RIN2: variants seen among roughly 807,000 people sequenced by gnomAD.
The protein encoded by RIN2 is RAB5 interacting protein 2.
A neutral mutation model predicts 78.0 loss-of-function variants in RIN2; 36 were observed. The ratio of observed to expected loss-of-function variants is 0.46; its 90% CI spans 0.35 to 0.61. The LOEUF (loss-of-function observed/expected upper bound fraction) is 0.61. Ranked by LOEUF, RIN2 falls within the 20% of genes least tolerant of loss-of-function variation. RIN2 has a pLI of 0.00. For missense variants in RIN2, 1,087 were observed against 1,159.7 expected (o/e 0.94, Z 0.91); for synonymous variants, 466 against 466.8 (o/e 1.00, Z 0.02).
chr20:19,827,654 A>G (rs965435969), intron 2 of RIN2, among the ~76,000 whole-genome samples: 7 of 152,162 alleles, frequency 4.6e-5, no homozygotes, highest in African/African-American at 1.7e-4. Context: ...TAGAAGATCC[A>G]GGTACGCCCT....
intron 1 of RIN2, among the ~76,000 whole-genome samples, chr20:19,786,652 A>G (rs998476353): frequency 1.3e-5 from 2 of 152,018 alleles, no homozygotes; most frequent in Admixed American, 6.5e-5. Context: ...TGCGGTGACT[A>G]GTTATATAGC....
intron 2 of RIN2, among the ~76,000 whole-genome samples, chr20:19,831,804 A>G (rs1034108831): frequency 9.2e-5 from 14 of 152,340 alleles, no homozygotes; most frequent in Non-Finnish European, 1.8e-4. Flanking sequence ...CAATAAATAC[A>G]TATGGAAAGT....
chr20:19,881,192 C>G (rs894614918), intron 2 of RIN2, among the ~76,000 whole-genome samples: 1 of 152,180 alleles, frequency 6.6e-6, no homozygotes, highest in Non-Finnish European at 1.5e-5. Context: ...CTCACTAGAG[C>G]TGATTGTTAA....
rs759837143 is a variant in RIN2, at chr20:19,956,739, C to T, written c.283C>T (p.Pro95Ser). ...SILDRLLHTH[P>S]IWLQLSLSEE... Reference sequence around the variant, plus strand: ...CTTGGACCGGCTCCTCCACACCCACCCCATATGGCTGCAGCTGAGTCTGAG... The same window carrying T: ...CTTGGACCGGCTCCTCCACACCCACTCCATATGGCTGCAGCTGAGTCTGAG... Residue 95 changes from proline (P) to serine (S), a missense_variant, in exon 5 of 13, where the codon CCC becomes TCC. Coordinates refer to ENST00000255006, the MANE Select transcript of RIN2 (RefSeq NM_018993.4). 6.2e-7 allele frequency: 1 copy of T among 1,609,656 alleles called. No individual in the cohort carries two copies. The highest frequency in any genetic ancestry group is 1.1e-5 in the South Asian group (1 of 90,010).
chr20:19,997,019 A>G (rs2042990746), intron 12 of RIN2, among the ~76,000 whole-genome samples, 177 bp downstream of exon 12: 1 of 152,092 alleles, frequency 6.6e-6, no homozygotes, highest in Admixed American at 6.6e-5. Flanking sequence ...TTATATACGC[A>G]TGGGATACTT....
intron 2 of RIN2, among the ~76,000 whole-genome samples, chr20:19,822,662 A>C (rs1328102045): frequency 6.6e-6 from 1 of 150,572 alleles, no homozygotes; most frequent in Non-Finnish European, 1.5e-5. Context: ...ACACACACAC[A>C]CACACCCACA....
intron 2 of RIN2, among the ~76,000 whole-genome samples, chr20:19,853,827 G>T (rs1294760933): frequency 6.6e-6 from 1 of 152,136 alleles, no homozygotes; most frequent in African/African-American, 2.4e-5. Context: ...CATTCTGTAG[G>T]TTGCCTGTTC....
intron 4 of RIN2, among the ~76,000 whole-genome samples, chr20:19,949,935 A>G (rs542203391): frequency 6.6e-6 from 1 of 152,296 alleles, no homozygotes; most frequent in East Asian, 1.9e-4. Context: ...TGGTTGTCCT[A>G]CTCAGAAAGA....
intron 2 of RIN2, among the ~76,000 whole-genome samples, chr20:19,831,548 A>G (rs1373564582): frequency 6.6e-6 from 1 of 152,226 alleles, no homozygotes; most frequent in East Asian, 1.9e-4. Context: ...GTATTGGGAA[A>G]ATAAATAGGT....
At chr20:19,865,476 T>G (rs911424397) in intron 2 of RIN2, among the ~76,000 whole-genome samples, 2 of 148,860 alleles carry the variant, frequency 1.3e-5, no homozygotes, top group Middle Eastern at 3.5e-3. Flanking sequence ...TTTTAAAAGT[T>G]ATACTTTCTT....
intron 2 of RIN2, among the ~76,000 whole-genome samples, chr20:19,802,471 TA>T (rs11300762): frequency 0.33 from 46,847 of 139,854 alleles, 10,390 homozygotes; most frequent in African/African-American, 0.66. Context: ...AAAGTTTCTT[TA>T]AAAAAAAAAA....
intron 1 of RIN2, among the ~76,000 whole-genome samples, chr20:19,761,869 A>G (rs1355533966): frequency 6.6e-6 from 1 of 152,200 alleles, no homozygotes; most frequent in East Asian, 1.9e-4. Flanking sequence ...TCAGATTTCA[A>G]CCAGCCTTTC....
chr20:19,918,753 T>C (rs1195002736), intron 3 of RIN2, among the ~76,000 whole-genome samples: 1 of 149,276 alleles, frequency 6.7e-6, no homozygotes, highest in Non-Finnish European at 1.5e-5. Flanking sequence ...CTTTACGGAG[T>C]CTGGGCCTTA....
intron 2 of RIN2, among the ~76,000 whole-genome samples, chr20:19,852,742 T>C (rs2037023651): frequency 6.6e-6 from 1 of 152,204 alleles, no homozygotes; most frequent in Non-Finnish European, 1.5e-5. Flanking sequence ...GAAATTATTA[T>C]TCTGTGACTA....
intron 2 of RIN2, among the ~76,000 whole-genome samples, chr20:19,807,170 C>G (rs575295598): frequency 1.3e-4 from 20 of 152,198 alleles, no homozygotes; most frequent in African/African-American, 4.8e-4. Flanking sequence ...TGCTTGGAAT[C>G]GGCACACTGA....
chr20:19,815,036 A>G (rs1275363381), intron 2 of RIN2, among the ~76,000 whole-genome samples: 1 of 152,152 alleles, frequency 6.6e-6, no homozygotes, highest in Non-Finnish European at 1.5e-5. Flanking sequence ...AAGAAACTCA[A>G]ATTTGTATCT....
chr20:19,848,504 T>G (rs2036854755), intron 2 of RIN2, among the ~76,000 whole-genome samples: 2 of 143,796 alleles, frequency 1.4e-5, no homozygotes, highest in South Asian at 4.5e-4. Flanking sequence ...CCACAGCACT[T>G]CAGCCTGGTG....
chr20:19,807,306 G>A (rs1324744241), intron 2 of RIN2, among the ~76,000 whole-genome samples: 1 of 152,180 alleles, frequency 6.6e-6, no homozygotes, highest in Non-Finnish European at 1.5e-5. Flanking sequence ...GACCAATAAG[G>A]CAATCTACCA....
intron 3 of RIN2, among the ~76,000 whole-genome samples, chr20:19,920,751 C>T (rs1377919949): frequency 1.3e-5 from 2 of 152,222 alleles, no homozygotes; most frequent in African/African-American, 4.8e-5. Flanking sequence ...TCATGGCTCA[C>T]TGGCAACCTC....
Sources: allele counts gnomAD v4.1 joint callset (sites outside exome capture counted in the v4.1 genomes callset), GRCh38; gene constraint gnomAD v4.1.1; transcripts MANE v1.5; gene names NCBI Gene and HGNC (gene_info 2026-07-23, HGNC 2026-07-21).